The following GSE1 variants were observed in gnomAD, a reference collection of about 807,000 sequenced individuals.
GSE1 encodes genetic suppressor element 1.
A neutral mutation model predicts 112.6 loss-of-function variants in GSE1; 32 were observed. That is an observed-to-expected ratio of 0.28 (90% CI 0.21 to 0.38). GSE1 has a LOEUF of 0.38. Among genes scored for constraint, GSE1 ranks in the 10% least tolerant of loss-of-function variants. The pLI is 1.00. For synonymous variants in GSE1, 1,115 were observed against 735.6 expected (o/e 1.52, Z -8.35); for missense variants, 2,348 against 1,699.2 (o/e 1.38, Z -6.71).
intron 2 of GSE1, among the ~76,000 whole-genome samples, chr16:85,408,479 C>G (rs1597647047): frequency 1.8e-5 from 1 of 56,784 alleles, no homozygotes; most frequent in Non-Finnish European, 3.5e-5. Context: ...CTCACTGTTA[C>G]TCTCAGGGCA....
chr16:85,480,064 G>T (rs966423332), intron 2 of GSE1, among the ~76,000 whole-genome samples: 1 of 152,192 alleles, frequency 6.6e-6, no homozygotes, highest in African/African-American at 2.4e-5. Flanking sequence ...CCGGTCCCCA[G>T]CACTTGGTTG....
At chr16:85,170,295 G>T in exon 1 of GSE1, 1 of 985,614 alleles carries the variant, frequency 1.0e-6, no homozygotes, top group Non-Finnish European at 1.2e-6. Flanking sequence ...GCCGGCGGAA[G>T]GGGGTTGGGA....
chr16:85,245,343 C>A (rs549593724), intron 1 of GSE1, among the ~76,000 whole-genome samples: 1 of 152,196 alleles, frequency 6.6e-6, no homozygotes, highest in Non-Finnish European at 1.5e-5. Flanking sequence ...ATCACCCTCC[C>A]GAGACTTTCT....
At chr16:85,620,597 C>A (rs539020141) in intron 1 of GSE1, among the ~76,000 whole-genome samples, 21 of 152,236 alleles carry the variant, frequency 1.4e-4, no homozygotes, top group African/African-American at 4.8e-4. Flanking sequence ...TGCCGCCCGT[C>A]GGGAGGGTGC....
At chr16:85,553,105 G>A (rs966261955), upstream of GSE1, among the ~76,000 whole-genome samples, 1 of 151,936 alleles carries the variant, frequency 6.6e-6, no homozygotes, top group Admixed American at 6.5e-5. Flanking sequence ...AGGGGTTAGC[G>A]GGTGGGCGGT....
chr16:85,242,048 G>A (rs1351500446), intron 1 of GSE1, among the ~76,000 whole-genome samples: 2 of 152,098 alleles, frequency 1.3e-5, no homozygotes, highest in Non-Finnish European at 2.9e-5. Context: ...TCTGCCCTGA[G>A]CCCTCCACTC....
chr16:85,192,697 G>A (rs1354477218), intron 1 of GSE1, among the ~76,000 whole-genome samples: 1 of 152,188 alleles, frequency 6.6e-6, no homozygotes, highest in African/African-American at 2.4e-5. Context: ...TGGCCTCCTC[G>A]CCAGCTTCAG....
At chr16:85,408,168 ATAATCCTCACTGTTACACTCAGGCCCC>A in intron 2 of GSE1, among the ~76,000 whole-genome samples, 1 of 32,736 alleles carries the variant, frequency 3.1e-5, no homozygotes, top group African/African-American at 1.8e-4. Context: ...GGCCCCCCGG[ATAATCCTCACTGTTACACTCAGGCCCC>A]CCTGGATAAT....
intron 2 of GSE1, among the ~76,000 whole-genome samples, chr16:85,398,397 T>C (rs2048016275): frequency 6.6e-6 from 1 of 152,070 alleles, no homozygotes; most frequent in South Asian, 2.1e-4. Context: ...AGGGGAAGTG[T>C]GCCAGCTCCC....
chr16:85,661,513 G>A lies in GSE1; in HGVS notation c.2008G>A (p.Gly670Arg), dbSNP rs199754412. The A allele has an allele frequency of 3.1e-5, 50 of 1,611,808 alleles. No homozygotes were observed. The highest frequency in any genetic ancestry group is 1.7e-4 in the Middle Eastern group (1 of 6,054). The change falls in exon 9 of 16, where the codon GGG becomes AGG. Residue 670 changes from glycine to arginine, a missense_variant. Physicochemically the swap from Gly to Arg is moderately radical, Grantham distance 125 (BLOSUM62 -2). Coordinates refer to ENST00000253458, the MANE Select transcript of GSE1 (RefSeq NM_014615.5). ...CCTGGAGCACCAGCCCTTCCTGCCC[G>A]GGCCCGGGCCCTTCCTGGCTGAGCT... ...GSLEHQPFLPGPGPFLAELEK... is the reference protein window; with the variant it reads ...GSLEHQPFLPRPGPFLAELEK...
intron 2 of GSE1, among the ~76,000 whole-genome samples, chr16:85,426,693 G>C (rs2048999742): frequency 7.8e-6 from 1 of 128,344 alleles, no homozygotes; most frequent in Non-Finnish European, 1.7e-5. Context: ...AGGATGGGTA[G>C]ATGGGTGGGT....
intron 3 of GSE1, among the ~76,000 whole-genome samples, chr16:85,652,396 G>A (rs1488372739): frequency 1.3e-5 from 2 of 152,224 alleles, no homozygotes; most frequent in African/African-American, 2.4e-5. Context: ...CACGCAGGGC[G>A]TCAGTGCCCA....
chr16:85,203,374 G>A (rs2075062894), intron 1 of GSE1, among the ~76,000 whole-genome samples: 1 of 152,210 alleles, frequency 6.6e-6, no homozygotes, highest in African/African-American at 2.4e-5. Flanking sequence ...GGATGCTAAG[G>A]TGGTGTGGCA....
At chr16:85,209,048 CTTG>C (rs1195059144) in intron 1 of GSE1, among the ~76,000 whole-genome samples, 1 of 147,736 alleles carries the variant, frequency 6.8e-6, no homozygotes, top group Middle Eastern at 3.5e-3. Flanking sequence ...GGGTTTGCCA[CTTG>C]TTGGGGTTCA....
At chr16:85,281,672 G>A (rs1378553456) in intron 1 of GSE1, among the ~76,000 whole-genome samples, 1 of 152,126 alleles carries the variant, frequency 6.6e-6, no homozygotes, top group Non-Finnish European at 1.5e-5. Flanking sequence ...CTCCTACCTG[G>A]TCACCGTGGG....
At chr16:85,503,447 A>G (rs1262376360) in intron 2 of GSE1, among the ~76,000 whole-genome samples, 1 of 151,810 alleles carries the variant, frequency 6.6e-6, no homozygotes, top group Admixed American at 6.6e-5. Context: ...CCTTGAGAGA[A>G]CTCTGGGGCC....
intron 9 of GSE1, 76 bp from the exon 10 acceptor site, chr16:85,662,905 C>G: frequency 9.7e-7 from 1 of 1,026,424 alleles, no homozygotes; most frequent in Non-Finnish European, 1.5e-6. Flanking sequence ...GCTCTGCACA[C>G]ATGAGGCCCT....
rs928167075 is a variant in GSE1 at position 85,676,052 on chromosome 16, T to G, written c.*3513T>G. The G allele has an allele frequency of 2.6e-5, 4 of 152,756 alleles. No homozygotes were observed. The highest frequency in any genetic ancestry group is 2.1e-4 in the South Asian group (1 of 4,830). 9.5% of individuals were successfully genotyped at this position (152,756 alleles called of 1,614,324 possible). ...GTGCCTCGGTCACTCTGGGGGCAGT[T>G]TAGATGCTGTGAAATTAAACCTGTT... On this transcript the variant is annotated 3_prime_UTR_variant, in exon 16 of 16. Coordinates refer to ENST00000253458, the MANE Select transcript of GSE1 (RefSeq NM_014615.5).
chr16:85,244,756 C>T (rs889212479), intron 1 of GSE1, among the ~76,000 whole-genome samples: 14 of 151,974 alleles, frequency 9.2e-5, no homozygotes, highest in African/African-American at 2.7e-4. Flanking sequence ...TTTGGGAGGC[C>T]GAGGCCGGTG....
Sources: gnomAD v4.1 joint callset for allele counts (sites outside exome capture counted in the v4.1 genomes callset) on GRCh38, gnomAD v4.1.1 for gene constraint, MANE v1.5 for transcripts, NCBI Gene and HGNC (gene_info 2026-07-23, HGNC 2026-07-21) for gene names.